OR9Q1: variants seen among roughly 807,000 people sequenced by gnomAD.
The protein encoded by OR9Q1 is olfactory receptor 9Q1.
For missense variants in OR9Q1, 374 were observed against 378.8 expected (o/e 0.99, Z 0.11); for synonymous variants, 153 against 148.6 (o/e 1.03, Z -0.22).
At chr11:58,132,404 C>T (rs1469475023) in intron 2 of OR9Q1, among the ~76,000 whole-genome samples, 1 of 152,184 alleles carries the variant, frequency 6.6e-6, no homozygotes, top group Non-Finnish European at 1.5e-5. Flanking sequence ...GTTACTTCAC[C>T]TTTCTGAGCC....
At chr11:58,105,919 A>G (rs1228469031) in intron 2 of OR9Q1, among the ~76,000 whole-genome samples, 1 of 152,152 alleles carries the variant, frequency 6.6e-6, no homozygotes, top group Admixed American at 6.6e-5. Flanking sequence ...TAATGATGCA[A>G]CGAATGTGGG....
At chr11:58,064,649 C>G (rs553195742) in intron 2 of OR9Q1, among the ~76,000 whole-genome samples, 1 of 152,014 alleles carries the variant, frequency 6.6e-6, no homozygotes, top group Non-Finnish European at 1.5e-5. Context: ...ATCTGCAGTC[C>G]CACAGTGATG....
chr11:58,067,787 A>G (rs972076558), intron 2 of OR9Q1, among the ~76,000 whole-genome samples: 1 of 152,210 alleles, frequency 6.6e-6, no homozygotes, highest in Admixed American at 6.5e-5. Context: ...TCACACAGGC[A>G]GTAAAAAGGA....
intron 2 of OR9Q1, among the ~76,000 whole-genome samples, chr11:58,081,352 GA>G (rs1853585434): frequency 1.3e-5 from 2 of 152,032 alleles, no homozygotes; most frequent in Non-Finnish European, 1.5e-5. Flanking sequence ...ATTGCTGGGT[GA>G]AATGGTATTT....
At chr11:58,082,128 A>T (rs1853593164) in intron 2 of OR9Q1, among the ~76,000 whole-genome samples, 1 of 152,178 alleles carries the variant, frequency 6.6e-6, no homozygotes, top group Non-Finnish European at 1.5e-5. Context: ...GCTGGAGAGG[A>T]TGTGGAGAAA....
intron 2 of OR9Q1, among the ~76,000 whole-genome samples, chr11:58,076,432 A>C (rs1355441107): frequency 6.6e-6 from 1 of 152,148 alleles, no homozygotes; most frequent in Non-Finnish European, 1.5e-5. Context: ...GCTAGCTGTC[A>C]GCCAGGGACT....
intron 2 of OR9Q1, among the ~76,000 whole-genome samples, chr11:58,135,147 C>T (rs1854177990): frequency 5.9e-5 from 9 of 152,184 alleles, no homozygotes; most frequent in Admixed American, 5.9e-4. Flanking sequence ...TGTGATAGAG[C>T]TTCAAAGCAT....
chr11:58,165,386 C>A (rs1415331708), intron 2 of OR9Q1, among the ~76,000 whole-genome samples: 1 of 152,160 alleles, frequency 6.6e-6, no homozygotes, highest in Non-Finnish European at 1.5e-5. Flanking sequence ...ACTCCTTGAT[C>A]CCTTTTGTGA....
chr11:58,095,840 A>T (rs1464279009), intron 2 of OR9Q1, among the ~76,000 whole-genome samples: 3 of 152,210 alleles, frequency 2.0e-5, no homozygotes, highest in Non-Finnish European at 4.4e-5. Context: ...AAGAATCAGG[A>T]AAATCAAGAT....
intron 1 of OR9Q1, among the ~76,000 whole-genome samples, chr11:58,029,901 G>GC (rs1212741192): frequency 6.6e-6 from 1 of 150,490 alleles, no homozygotes; most frequent in African/African-American, 2.4e-5. Flanking sequence ...GAGTGCAGTG[G>GC]CATAATCTCA....
intron 2 of OR9Q1, chr11:58,118,273 C>A: frequency 2.3e-6 from 1 of 432,622 alleles, no homozygotes; most frequent in Non-Finnish European, 4.1e-6. Flanking sequence ...AAGAGACTGC[C>A]CAGTGCTAAG....
chr11:58,125,737 A>T (rs1222064247), intron 2 of OR9Q1, among the ~76,000 whole-genome samples: 1 of 152,218 alleles, frequency 6.6e-6, no homozygotes, highest in African/African-American at 2.4e-5. Context: ...GAGGCTCATT[A>T]TCTCAGCTTC....
intron 2 of OR9Q1, among the ~76,000 whole-genome samples, chr11:58,153,453 G>A (rs956789120): frequency 1.6e-4 from 25 of 152,102 alleles, no homozygotes; most frequent in Admixed American, 7.9e-4. Context: ...AAGCAAATGA[G>A]TGATATGGAC....
intron 2 of OR9Q1, among the ~76,000 whole-genome samples, chr11:58,177,105 T>C (rs975515675): frequency 8.5e-5 from 13 of 152,254 alleles, no homozygotes; most frequent in Non-Finnish European, 1.9e-4. Context: ...CAAAGTCTTA[T>C]GCTTTAAAGG....
intron 2 of OR9Q1, among the ~76,000 whole-genome samples, chr11:58,097,936 G>A (rs1375160829): frequency 1.3e-5 from 2 of 152,188 alleles, no homozygotes; most frequent in Admixed American, 6.5e-5. Flanking sequence ...ATAAGCGTTT[G>A]TAAGGAAATG....
intron 1 of OR9Q1, among the ~76,000 whole-genome samples, chr11:58,029,121 T>G (rs1312187417): frequency 6.6e-6 from 1 of 152,216 alleles, no homozygotes; most frequent in Non-Finnish European, 1.5e-5. Context: ...AATCAGTTAT[T>G]TAGCTCACAG....
intron 2 of OR9Q1, among the ~76,000 whole-genome samples, chr11:58,131,867 A>C (rs1018287729): frequency 1.7e-4 from 26 of 152,118 alleles, no homozygotes; most frequent in Non-Finnish European, 3.2e-4. Flanking sequence ...TTTTCTTCTT[A>C]TTAACTCACC....
intron 1 of OR9Q1, among the ~76,000 whole-genome samples, chr11:58,053,589 A>C: frequency 8.2e-6 from 1 of 121,542 alleles, no homozygotes; most frequent in African/African-American, 2.8e-5. Flanking sequence ...CCTAAAACTT[A>C]AAGTATAATA....
chr11:58,090,473 C>A (rs536579008), intron 2 of OR9Q1, among the ~76,000 whole-genome samples: 2 of 152,264 alleles, frequency 1.3e-5, no homozygotes, highest in South Asian at 2.1e-4. Flanking sequence ...GTTGAACCAG[C>A]CTTGCATCCC....
Sources: allele counts gnomAD v4.1 joint callset (sites outside exome capture counted in the v4.1 genomes callset), GRCh38; gene constraint gnomAD v4.1.1; transcripts MANE v1.5; gene names NCBI Gene and HGNC (gene_info 2026-07-23, HGNC 2026-07-21).